Variants in STON1 observed in about 807,000 individuals in gnomAD.
STON1 encodes the protein stonin-1.
A neutral mutation model predicts 60.9 loss-of-function variants in STON1; 79 were observed. That is an observed-to-expected ratio of 1.30 (90% CI 1.08 to 1.56). The LOEUF (loss-of-function observed/expected upper bound fraction) is 1.56, where lower values mean the gene tolerates loss of function less well. Ranked by LOEUF, STON1 falls within the 40% of genes most tolerant of loss-of-function variation. The probability of loss-of-function intolerance (pLI) is 0.00; values close to 1 mark genes in which losing one functional copy is unlikely to be tolerated. For synonymous variants in STON1, 363 were observed against 306.9 expected (o/e 1.18, Z -1.91); for missense variants, 1,166 against 858.9 (o/e 1.36, Z -4.47).
At chr2:48,566,172 G>A (rs993917060) in intron 1 of STON1, among the ~76,000 whole-genome samples, 2 of 152,048 alleles carry the variant, frequency 1.3e-5, no homozygotes, top group Admixed American at 6.6e-5. Flanking sequence ...AGGTGACTGG[G>A]CATATTAGTT....
intron 1 of STON1, among the ~76,000 whole-genome samples, chr2:48,572,308 G>A (rs1157719555): frequency 6.6e-6 from 1 of 152,180 alleles, no homozygotes; most frequent in African/African-American, 2.4e-5. Flanking sequence ...CCAGGACAAA[G>A]GTTTGGGTTC....
At chr2:48,551,687 T>C (rs1412371811) in intron 1 of STON1, among the ~76,000 whole-genome samples, 4 of 152,256 alleles carry the variant, frequency 2.6e-5, no homozygotes, top group Admixed American at 6.5e-5. Flanking sequence ...TTGGCATGGC[T>C]CTTGCCTTGC....
chr2:48,543,833 C>T (rs1042976031), intron 1 of STON1, among the ~76,000 whole-genome samples: 2 of 151,964 alleles, frequency 1.3e-5, no homozygotes, highest in African/African-American at 2.4e-5. Flanking sequence ...CTCCCGACAA[C>T]GATAACATTT....
chr2:48,582,324 C>T lies in STON1; in HGVS notation c.1691C>T (p.Ser564Phe). ...QRSSYAGSLR[S>F]CDNIRIHFPV... ...TCATCCTATGCTGGTTCCTTAAGGT[C>T]CTGTGACAATATAAGGATACACTTT... Residue 564 changes from serine (S) to phenylalanine (F), a missense_variant, in exon 2 of 4, where the codon TCC (serine) becomes TTC (phenylalanine). Transcript: ENST00000404752. 4 of 1,614,198 alleles carry T rather than the reference C, an allele frequency of 2.5e-6. No homozygotes were observed. Among genetic ancestry groups the T allele is most frequent in the Non-Finnish European group, 2.5e-6 (3 of 1,180,032 alleles).
intron 1 of STON1, among the ~76,000 whole-genome samples, chr2:48,542,465 C>G (rs1671692491): frequency 6.6e-6 from 1 of 152,166 alleles, no homozygotes; most frequent in Non-Finnish European, 1.5e-5. Context: ...AAATCCACCT[C>G]AAAAGGTTGT....
At chr2:48,586,708 C>T (rs1329099982) in intron 2 of STON1, among the ~76,000 whole-genome samples, 1 of 10,612 alleles carries the variant, frequency 9.4e-5, no homozygotes, top group Non-Finnish European at 1.7e-4. Context: ...GTCAACAGGG[C>T]CTCGGGGTTG....
At chr2:48,586,358 C>T (rs1674206088) in intron 2 of STON1, among the ~76,000 whole-genome samples, 1 of 152,164 alleles carries the variant, frequency 6.6e-6, no homozygotes, top group East Asian at 1.9e-4. Flanking sequence ...AAACATGATT[C>T]CTACTCTACC....
chr2:48,552,980 C>T (rs1672164570), intron 1 of STON1, among the ~76,000 whole-genome samples: 1 of 152,116 alleles, frequency 6.6e-6, no homozygotes, highest in Non-Finnish European at 1.5e-5. Flanking sequence ...GGCAAATGGA[C>T]ATCCAAGGTG....
At position 48,581,888 on chromosome 2, in the gene STON1, A is replaced by G. The variant is rs773374093; in HGVS notation, c.1255A>G (p.Ile419Val). 5 of 1,613,926 alleles carry G rather than the reference A, an allele frequency of 3.1e-6. No individual in the cohort carries two copies. The South Asian group carries it at 3.3e-5, about 11-fold the overall frequency. The change falls in exon 2 of 4, where the codon ATT (isoleucine) becomes GTT (valine). Residue 419 changes from isoleucine (I) to valine (V), a missense_variant. Physicochemically the swap from Ile to Val is conservative, Grantham distance 29 (BLOSUM62 3). Transcript: ENST00000404752. ...CGAGGAGCAAGAAATTTCCTTGGAA[A>G]TTGTGGACAACTTTTGGGGTAAAGT... is the stretch of plus-strand genomic sequence containing the variant. ...NYEEQEISLE[I>V]VDNFWGKVTK...
chr2:48,591,750 C>T lies in STON1; in HGVS notation c.2028C>T (p.Ser676=), dbSNP rs773554193. The change falls in exon 3 of 4, where the codon TCC becomes TCT. Residue 676 remains serine (S), a synonymous_variant. Transcript: ENST00000404752. ...ATCCATTTGCTACTGTTCAGTTTTC[C>T]GTGCCTGACACCTGTGCCTCAAGGA... ...DWYPFATVQF[S]VPDTCASRTE... is the part of the protein sequence containing the mutation. 55 of 1,614,096 alleles carry T rather than the reference C, an allele frequency of 3.4e-5. No individual in the cohort carries two copies. Among genetic ancestry groups the T allele is most frequent in the Admixed American group, 6.7e-5 (4 of 60,010 alleles).
At chr2:48,570,249 C>G (rs1673134918) in intron 1 of STON1, among the ~76,000 whole-genome samples, 1 of 152,086 alleles carries the variant, frequency 6.6e-6, no homozygotes. Flanking sequence ...GCAGGAGAAT[C>G]ACTTGAACCC....
intron 1 of STON1, among the ~76,000 whole-genome samples, chr2:48,576,450 A>G (rs1673505372): frequency 6.6e-6 from 1 of 150,710 alleles, no homozygotes; most frequent in Non-Finnish European, 1.5e-5. Context: ...TCGGCTTTCC[A>G]AAGTGCTGGG....
chr2:48,579,315 C>CT (rs34995168), intron 1 of STON1, among the ~76,000 whole-genome samples: 53,194 of 147,136 alleles, frequency 0.36, 9,432 homozygotes, highest in East Asian at 0.43. Context: ...CTCTTTCTTC[C>CT]TTTTTTTTTT....
intron 1 of STON1, among the ~76,000 whole-genome samples, chr2:48,572,085 C>T (rs1046659399): frequency 2.6e-5 from 4 of 152,136 alleles, no homozygotes; most frequent in African/African-American, 9.7e-5. Flanking sequence ...ATTGCTTGAA[C>T]CTGGGAGGCA....
At position 48,595,641 on chromosome 2, in the gene STON1, C is replaced by G. The variant is rs1333961239; in HGVS notation, c.*339C>G. 1 of 283,672 alleles carries G rather than the reference C, an allele frequency of 3.5e-6. No homozygotes were observed. The highest frequency in any genetic ancestry group is 1.1e-4 in the East Asian group (1 of 9,068). 17.6% of individuals were successfully genotyped at this position (283,672 alleles called of 1,614,324 possible). On this transcript the variant is annotated 3_prime_UTR_variant, in exon 4 of 4. Transcript: ENST00000404752. Reference sequence around the variant, plus strand: ...GCTGACTGTTTTGCTCTCTGGATTACTGAGGTGCCGTCTTCATTTCTTCCC... The same window carrying G: ...GCTGACTGTTTTGCTCTCTGGATTAGTGAGGTGCCGTCTTCATTTCTTCCC...
chr2:48,553,795 C>A (rs925512806), intron 1 of STON1, among the ~76,000 whole-genome samples: 1 of 152,084 alleles, frequency 6.6e-6, no homozygotes, highest in Non-Finnish European at 1.5e-5. Flanking sequence ...GCCTTAGACC[C>A]CTTCTTAGGA....
intron 1 of STON1, among the ~76,000 whole-genome samples, chr2:48,534,586 A>G (rs1339431671): frequency 2.6e-5 from 4 of 152,192 alleles, no homozygotes; most frequent in Admixed American, 6.5e-5. Flanking sequence ...TGGGAGGCTG[A>G]GGTGGAAGGA....
chr2:48,586,547 T>C (rs1162468585), intron 2 of STON1, among the ~76,000 whole-genome samples: 1 of 151,266 alleles, frequency 6.6e-6, no homozygotes, highest in Non-Finnish European at 1.5e-5. Flanking sequence ...GCTGGGAGAG[T>C]CAATAGAGTT....
intron 2 of STON1, among the ~76,000 whole-genome samples, chr2:48,587,505 C>T (rs187209205): frequency 1.3e-4 from 20 of 152,270 alleles, no homozygotes; most frequent in Admixed American, 2.6e-4. Context: ...ATTGGCCAGG[C>T]TGGTCTCAAA....
Sources: allele counts gnomAD v4.1 joint callset (sites outside exome capture counted in the v4.1 genomes callset), GRCh38; gene constraint gnomAD v4.1.1; transcripts MANE v1.5; gene names NCBI Gene and HGNC (gene_info 2026-07-23, HGNC 2026-07-21).